Variants in DDX31 observed in about 807,000 individuals in gnomAD.
DDX31 encodes ATP-dependent DNA helicase DDX31.
In DDX31, 70 loss-of-function variants were observed where a neutral mutation model predicts 91.3. That is an observed-to-expected ratio of 0.77 (90% CI 0.63 to 0.94). DDX31 has a LOEUF of 0.94. Among genes scored for constraint, DDX31 ranks in the 40% least tolerant of loss-of-function variants. The pLI, the probability that DDX31 is intolerant of heterozygous loss-of-function variation, is 0.00. For missense variants in DDX31, 902 were observed against 925.0 expected (o/e 0.98, Z 0.32); for synonymous variants, 362 against 350.6 (o/e 1.03, Z -0.36).
At chr9:132,661,282 A>G in intron 3 of DDX31, 31 bp from the exon 4 acceptor site, 1 of 1,499,750 alleles carries the variant, frequency 6.7e-7, no homozygotes, top group Non-Finnish European at 9.2e-7. Context: ...GCTTTAATTA[A>G]TATTTTGATA....
At position 132,594,693 on chromosome 9, in the gene DDX31, T is replaced by C; in HGVS notation, c.*173A>G. ...CAGTGCCCCACACCACTGATTTCTA[T>C]CAGGCTCCAGGGCCTCCCATGGAGG... is the stretch of plus-strand genomic sequence containing the variant. On this transcript the variant is annotated 3_prime_UTR_variant, in exon 20 of 20. Transcript: ENST00000372159. The C allele has an allele frequency of 5.4e-6, 6 of 1,108,656 alleles. No homozygotes were observed. Among genetic ancestry groups the C allele is most frequent in the Non-Finnish European group, 7.7e-6 (6 of 781,122 alleles). 68.7% of individuals were successfully genotyped at this position (1,108,656 alleles called of 1,614,324 possible). A position where few individuals can be genotyped will look rare whatever the true frequency, so the allele number is the denominator to read the frequency against.
intron 6 of DDX31, among the ~76,000 whole-genome samples, chr9:132,656,072 A>C (rs905804175): frequency 9.2e-5 from 14 of 152,190 alleles, no homozygotes; most frequent in African/African-American, 3.4e-4. Flanking sequence ...ACAGGGCACA[A>C]GTAAGTGAGG....
At chr9:132,600,494 C>A (rs1278948087) in intron 19 of DDX31, among the ~76,000 whole-genome samples, 1 of 152,188 alleles carries the variant, frequency 6.6e-6, no homozygotes, top group Non-Finnish European at 1.5e-5. Context: ...ACTCCGAGCC[C>A]TGGGCCAAGG....
intron 7 of DDX31, among the ~76,000 whole-genome samples, chr9:132,651,737 TAAAGAA>T (rs1195271204): frequency 6.6e-6 from 1 of 152,260 alleles, no homozygotes; most frequent in Non-Finnish European, 1.5e-5. Flanking sequence ...ATCCCGTTCT[TAAAGAA>T]CGTATATACA....
intron 17 of DDX31, among the ~76,000 whole-genome samples, chr9:132,623,929 G>A (rs530610925): frequency 5.3e-5 from 8 of 152,136 alleles, no homozygotes; most frequent in Non-Finnish European, 1.0e-4. Context: ...CACTTTGGGA[G>A]ACCAAGGCGG....
At chr9:132,644,630 C>G (rs917692398) in intron 13 of DDX31, among the ~76,000 whole-genome samples, 1 of 152,192 alleles carries the variant, frequency 6.6e-6, no homozygotes, top group East Asian at 1.9e-4. Context: ...TCTATTACAG[C>G]GAATTCCTAG....
At position 132,659,743 on chromosome 9, in the gene DDX31, T is replaced by C; in HGVS notation, c.490A>G (p.Arg164Gly). 6.2e-7 allele frequency: 1 copy of C among 1,612,972 alleles called. No individual in the cohort carries two copies. The highest frequency in any genetic ancestry group is 8.5e-7 in the Non-Finnish European group (1 of 1,179,480). The change falls in exon 5 of 20, where the codon AGA becomes GGA. Residue 164 changes from arginine to glycine, a missense_variant. Arg to Gly is a moderately radical substitution (Grantham distance 125, BLOSUM62 -2). Coordinates refer to ENST00000372159, the MANE Select transcript of DDX31 (RefSeq NM_022779.9). ...GTCTGGGATCTCACGAGAGCATCTC[T>C]GCCTTCCAGCAACACAGGAATACTT... ...KQSIPVLLEG[R>G]DALVRSQTGS...
At chr9:132,633,940 G>A (rs763203348) in intron 14 of DDX31, among the ~76,000 whole-genome samples, 5 of 152,176 alleles carry the variant, frequency 3.3e-5, no homozygotes, top group Non-Finnish European at 5.9e-5. Context: ...AGGAAGTATG[G>A]GAAAGAGGAA....
At chr9:132,631,859 G>A (rs992354796) in intron 15 of DDX31, among the ~76,000 whole-genome samples, 182 bp downstream of exon 15, 3 of 152,184 alleles carry the variant, frequency 2.0e-5, no homozygotes, top group Admixed American at 6.5e-5. Context: ...TTGCTGCAGT[G>A]GTGAGGTGGG....
In DDX31 at chr9:132,658,749, A is replaced by G; in HGVS notation, c.524-14T>C. 2 of 1,612,292 alleles carry G rather than the reference A, an allele frequency of 1.2e-6. No homozygotes were observed. Among genetic ancestry groups the G allele is most frequent in the South Asian group, 1.1e-5 (1 of 90,626 alleles). On this transcript the variant is annotated splice_polypyrimidine_tract_variant and intron_variant, in intron 5 of 19. Coordinates refer to ENST00000372159, the MANE Select transcript of DDX31 (RefSeq NM_022779.9). ...CAAGAGTTTTACCTTTCAAAAAAAA[A>G]GCAGAAGCAATTAAAATCACACACC...
chr9:132,625,635 C>T, intron 17 of DDX31, 29 bp downstream of exon 17: 1 of 1,570,784 alleles, frequency 6.4e-7, no homozygotes, highest in Non-Finnish European at 8.8e-7. Flanking sequence ...CATCTGTTGG[C>T]AGCGAGCACA....
At position 132,662,246 on chromosome 9, in the gene DDX31, C is replaced by A; in HGVS notation, c.408+15G>T. The A allele has an allele frequency of 6.2e-7, 1 of 1,613,986 alleles. No individual in the cohort carries two copies. The highest frequency in any genetic ancestry group is 8.5e-7 in the Non-Finnish European group (1 of 1,179,938). The stretch of plus-strand genomic sequence containing the variant: ...CCAAAAAAAACTGACCCAGAAAACA[C>A]TGAAAGGTACTTACTAAATGTGGGT... On this transcript the variant is annotated intron_variant, in intron 3 of 19. Coordinates refer to ENST00000372159, the MANE Select transcript of DDX31 (RefSeq NM_022779.9).
rs1830299868 is a variant in DDX31, at chr9:132,593,568, C to T, written c.*1298G>A. On this transcript the variant is annotated 3_prime_UTR_variant, in exon 20 of 20. Transcript: ENST00000372159. ...CAACTCTGAGAAGGTCCTATTTTTC[C>T]ACCTGCAGAGGATCCAGTCTCACTA... 6.6e-6 allele frequency: 1 copy of T among 152,174 alleles called. No homozygotes were observed. Among genetic ancestry groups the T allele is most frequent in the African/African-American group, 2.4e-5 (1 of 41,438 alleles). The allele number at this position is 152,174 out of a possible 1,614,324, so 9.4% of individuals were successfully genotyped here.
rs200225130 is a variant in DDX31, at chr9:132,630,280, C to T, written c.1615G>A (p.Ala539Thr). ...CTGACTCACTTGATTTTGTGAGAAG[C>T]CAACGAGTTGACATATTCTGCCTCC... Reference protein sequence around the residue: ...PSEAEYVNSLASHKINVSEIK... With the variant: ...PSEAEYVNSLTSHKINVSEIK... The change falls in exon 16 of 20, where the codon GCT (alanine) becomes ACT (threonine). Residue 539 changes from alanine to threonine, a missense_variant. Physicochemically the swap from Ala to Thr is moderately conservative, Grantham distance 58. Coordinates refer to ENST00000372159, the MANE Select transcript of DDX31 (RefSeq NM_022779.9). The T allele has an allele frequency of 5.7e-6, 9 of 1,578,420 alleles. No individual in the cohort carries two copies. The East Asian group carries it at 2.1e-4, about 36-fold the overall frequency.
intron 16 of DDX31, among the ~76,000 whole-genome samples, chr9:132,628,123 T>A (rs1275074732): frequency 6.6e-6 from 1 of 152,236 alleles, no homozygotes; most frequent in Non-Finnish European, 1.5e-5. Context: ...GGAAGAACAA[T>A]GCATGACTGC....
At chr9:132,658,118 A>G (rs1252830855) in intron 6 of DDX31, 3 of 562,442 alleles carry the variant, frequency 5.3e-6, no homozygotes, top group Non-Finnish European at 6.3e-6. Context: ...TTGAGTGACC[A>G]TTCTGTAAAA....
intron 19 of DDX31, among the ~76,000 whole-genome samples, chr9:132,599,587 A>G (rs965806113): frequency 1.7e-4 from 26 of 152,240 alleles, no homozygotes; most frequent in African/African-American, 6.0e-4. Context: ...CTCTAAGGGG[A>G]AACAAAAGCA....
chr9:132,617,881 CTCA>C (rs773602733), intron 18 of DDX31, among the ~76,000 whole-genome samples: 24 of 152,348 alleles, frequency 1.6e-4, no homozygotes, highest in Admixed American at 1.0e-3. Flanking sequence ...ATGGCTCTTC[CTCA>C]GTACTGTTCT....
chr9:132,668,520 A>G (rs1355559523), intron 1 of DDX31, among the ~76,000 whole-genome samples: 1 of 151,906 alleles, frequency 6.6e-6, no homozygotes, highest in Non-Finnish European at 1.5e-5. Context: ...CCCATGATCC[A>G]GCCCTCGAGA....
Sources: allele counts gnomAD v4.1 joint callset (sites outside exome capture counted in the v4.1 genomes callset), GRCh38; gene constraint gnomAD v4.1.1; transcripts MANE v1.5; gene names NCBI Gene and HGNC (gene_info 2026-07-23, HGNC 2026-07-21).